BORCS5: variants seen among roughly 807,000 people sequenced by gnomAD.
The protein encoded by BORCS5 is BLOC-1-related complex subunit 5.
In BORCS5, 17 loss-of-function variants were observed where a neutral mutation model predicts 22.1. The ratio of observed to expected loss-of-function variants is 0.77; its 90% CI spans 0.53 to 1.15. The LOEUF is 1.15. BORCS5 is among the 50% of genes most tolerant of loss of function. The pLI is 0.00. For synonymous variants in BORCS5, 117 were observed against 99.8 expected, an observed-to-expected ratio of 1.17 and a Z score of -1.03; for missense variants, 247 against 253.2, an observed-to-expected ratio of 0.98 and a Z score of 0.17.
At chr12:12,395,005 A>G (rs1028512946) in intron 2 of BORCS5, among the ~76,000 whole-genome samples, 3 of 152,108 alleles carry the variant, frequency 2.0e-5, no homozygotes, top group Admixed American at 1.3e-4. Flanking sequence ...CCACAGGGGA[A>G]GAGGTGGACC....
chr12:12,461,234 T>C (rs1272500459), intron 3 of BORCS5, among the ~76,000 whole-genome samples: 1 of 151,188 alleles, frequency 6.6e-6, no homozygotes, highest in Non-Finnish European at 1.5e-5. Context: ...AGCGGTGTGA[T>C]CACAGCTCAC....
chr12:12,359,969 A>C (rs1863241938), intron 1 of BORCS5, among the ~76,000 whole-genome samples: 1 of 152,144 alleles, frequency 6.6e-6, no homozygotes, highest in Non-Finnish European at 1.5e-5. Context: ...ATATCTCAAG[A>C]TAGCAGGAGA....
chr12:12,359,857 C>CT (rs1341097753), intron 1 of BORCS5, among the ~76,000 whole-genome samples: 1 of 151,990 alleles, frequency 6.6e-6, no homozygotes, highest in Non-Finnish European at 1.5e-5. Context: ...TTGTAGATGT[C>CT]TAATTCCTTT....
chr12:12,448,316 AC>A (rs1942831613), intron 3 of BORCS5, among the ~76,000 whole-genome samples: 2 of 152,096 alleles, frequency 1.3e-5, no homozygotes, highest in Admixed American at 1.3e-4. Flanking sequence ...CCCGGGTTCA[AC>A]GGATTCTCCT....
chr12:12,461,179 T>TC (rs71061072), intron 3 of BORCS5, among the ~76,000 whole-genome samples: 182 of 147,738 alleles, frequency 1.2e-3, no homozygotes, highest in African/African-American at 3.8e-3. Context: ...TTTTTTTTTT[T>TC]CCCCCTGGGA....
chr12:12,428,086 A>G (rs1439602976), intron 2 of BORCS5, among the ~76,000 whole-genome samples: 1 of 152,220 alleles, frequency 6.6e-6, no homozygotes, highest in Non-Finnish European at 1.5e-5. Flanking sequence ...TGGATTCTGT[A>G]GCAGTAAATG....
intron 3 of BORCS5, among the ~76,000 whole-genome samples, chr12:12,458,133 T>G (rs1306581467): frequency 6.6e-6 from 1 of 152,220 alleles, no homozygotes; most frequent in African/African-American, 2.4e-5. Flanking sequence ...TGTTTTGTTT[T>G]GTTTTGTTTT....
intron 3 of BORCS5, among the ~76,000 whole-genome samples, chr12:12,448,827 G>A (rs1044501434): frequency 1.3e-5 from 2 of 152,074 alleles, no homozygotes; most frequent in East Asian, 1.9e-4. Flanking sequence ...GTGCCTGGCC[G>A]TGTCTTCAAT....
chr12:12,380,085 A>G (rs1863743769), intron 2 of BORCS5, among the ~76,000 whole-genome samples: 1 of 151,356 alleles, frequency 6.6e-6, no homozygotes, highest in Non-Finnish European at 1.5e-5. Context: ...CAGTCAGAGC[A>G]CATGCAACAC....
intron 2 of BORCS5, among the ~76,000 whole-genome samples, chr12:12,402,509 C>G (rs1159162587): frequency 6.6e-6 from 1 of 152,104 alleles, no homozygotes; most frequent in African/African-American, 2.4e-5. Flanking sequence ...AGAGTTTTAT[C>G]CAATATTCTG....
chr12:12,386,567 C>T (rs943502989), intron 2 of BORCS5, among the ~76,000 whole-genome samples: 1 of 150,444 alleles, frequency 6.6e-6, no homozygotes, highest in Non-Finnish European at 1.5e-5. Flanking sequence ...ACCTCTACCT[C>T]CTGGGTTCAA....
In BORCS5 at chr12:12,423,724, T is replaced by A. The variant is rs921263105; in HGVS notation, c.203-11904T>A. ...TGTTTTTTGAGACAGAGTCTCAGTC[T>A]GTCACCCAGGCTAGAGTGCAGTAGT... On this transcript the variant is annotated intron_variant, in intron 2 of 3. Transcript: ENST00000314565. Among the ~76,000 whole-genome samples the A allele has an allele frequency of 3.3e-5, 5 of 152,168 alleles. No individual in the cohort carries two copies. The South Asian group carries it at 1.0e-3, about 32-fold the overall frequency.
At chr12:12,420,395 A>G (rs1288689722) in intron 2 of BORCS5, among the ~76,000 whole-genome samples, 3 of 152,080 alleles carry the variant, frequency 2.0e-5, no homozygotes, top group Non-Finnish European at 2.9e-5. Flanking sequence ...GTTCTGTTCC[A>G]TTGGTCTATA....
At chr12:12,423,238 G>A (rs763509035) in intron 2 of BORCS5, among the ~76,000 whole-genome samples, 4 of 152,034 alleles carry the variant, frequency 2.6e-5, no homozygotes, top group South Asian at 2.1e-4. Context: ...TCCTGACCTC[G>A]TGATCCACCC....
intron 2 of BORCS5, among the ~76,000 whole-genome samples, chr12:12,367,266 G>T (rs956971227): frequency 6.6e-6 from 1 of 152,152 alleles, no homozygotes; most frequent in Non-Finnish European, 1.5e-5. Context: ...CTGTCATCTG[G>T]ACAAATAAAA....
chr12:12,465,401 G>T, intron 3 of BORCS5, 145 bp from the exon 4 acceptor site: 1 of 669,978 alleles, frequency 1.5e-6, no homozygotes, highest in East Asian at 2.7e-5. Context: ...GTCCCTGAAG[G>T]GCTTTTTAGC....
intron 1 of BORCS5, among the ~76,000 whole-genome samples, chr12:12,358,674 G>A (rs1035219545): frequency 8.5e-5 from 13 of 152,058 alleles, no homozygotes; most frequent in African/African-American, 2.9e-4. Context: ...CCCTGTGCCC[G>A]GTACTTTACA....
At chr12:12,428,327 A>G (rs1942339292) in intron 2 of BORCS5, among the ~76,000 whole-genome samples, 1 of 152,228 alleles carries the variant, frequency 6.6e-6, no homozygotes, top group African/African-American at 2.4e-5. Flanking sequence ...TTTCCACTCA[A>G]CATTTTACAC....
chr12:12,450,886 G>C (rs1942895587), intron 3 of BORCS5, among the ~76,000 whole-genome samples: 1 of 151,650 alleles, frequency 6.6e-6, no homozygotes, highest in Non-Finnish European at 1.5e-5. Context: ...GTATCTGACA[G>C]TTAGTAGATA....
Sources: allele counts gnomAD v4.1 joint callset (sites outside exome capture counted in the v4.1 genomes callset), GRCh38; gene constraint gnomAD v4.1.1; transcripts MANE v1.5; gene names NCBI Gene and HGNC (gene_info 2026-07-23, HGNC 2026-07-21).